The following SRP54 variants were observed in gnomAD, a reference collection of about 807,000 sequenced individuals.
SRP54 encodes the protein signal recognition particle subunit SRP54.
A neutral mutation model predicts 64.8 loss-of-function variants in SRP54; 10 were observed. That is an observed-to-expected ratio of 0.15 (90% confidence interval 0.10 to 0.26). SRP54 has a LOEUF of 0.26. Among genes scored for constraint, SRP54 ranks in the 10% least tolerant of loss-of-function variants. SRP54 has a pLI of 1.00. For missense variants in SRP54, 325 were observed against 613.7 expected, an observed-to-expected ratio of 0.53 and a Z score of 4.97; for synonymous variants, 193 against 185.6, an observed-to-expected ratio of 1.04 and a Z score of -0.32.
intron 1 of SRP54, among the ~76,000 whole-genome samples, chr14:34,995,833 A>C (rs1166991565): frequency 6.6e-6 from 1 of 152,114 alleles, no homozygotes; most frequent in East Asian, 1.9e-4. Flanking sequence ...GTTTTCCTGG[A>C]ATCAGAAACA....
intron 7 of SRP54, among the ~76,000 whole-genome samples, chr14:35,009,605 A>T (rs2044323024): frequency 6.6e-6 from 1 of 152,310 alleles, no homozygotes; most frequent in East Asian, 1.9e-4. Context: ...GATTTGCCTC[A>T]TAAAAGCAAA....
At chr14:35,026,724 C>G (rs560324498) in intron 14 of SRP54, among the ~76,000 whole-genome samples, 1 of 152,274 alleles carries the variant, frequency 6.6e-6, no homozygotes, top group South Asian at 2.1e-4. Flanking sequence ...GCGGGCAGAT[C>G]ATGAGGTCAA....
chr14:34,987,771 T>G (rs1057065787), intron 1 of SRP54, among the ~76,000 whole-genome samples: 5 of 152,234 alleles, frequency 3.3e-5, no homozygotes, highest in African/African-American at 1.2e-4. Flanking sequence ...TGATATCTTA[T>G]TAAGATTTTG....
chr14:35,002,071 C>T (rs1460732088), intron 4 of SRP54, among the ~76,000 whole-genome samples: 2 of 151,688 alleles, frequency 1.3e-5, no homozygotes, highest in Non-Finnish European at 2.9e-5. Flanking sequence ...ATAGCTGGTG[C>T]AGGCCGGGTG....
At chr14:34,985,603 A>G (rs1336893414) in intron 1 of SRP54, among the ~76,000 whole-genome samples, 2 of 152,088 alleles carry the variant, frequency 1.3e-5, no homozygotes, top group Non-Finnish European at 2.9e-5. Flanking sequence ...CCTCCAATGT[A>G]TTTGTTACAC....
intron 4 of SRP54, among the ~76,000 whole-genome samples, chr14:35,005,567 C>A (rs1439727754): frequency 6.6e-6 from 1 of 151,690 alleles, no homozygotes; most frequent in Non-Finnish European, 1.5e-5. Context: ...CTGGCCAATT[C>A]TTTAAATTAG....
Position 35,028,876 on chromosome 14 carries a change from T to A in SRP54, c.1424-185T>A, listed in dbSNP as rs12435308. Among the ~76,000 whole-genome samples the A allele has an allele frequency of 0.12, 18,434 of 152,268 alleles. 1,441 individuals carry two copies. The highest frequency in any genetic ancestry group is 0.22 in the East Asian group (1,146 of 5,194). On this transcript the variant is annotated intron_variant, in intron 15 of 15. Coordinates refer to ENST00000216774, the MANE Select transcript of SRP54 (RefSeq NM_003136.4). ...TCCGTAAGATAGGCTATTCATTCTC[T>A]TTTATTGATGAAGATAACTGGTGAT... is the stretch of plus-strand genomic sequence containing the variant.
chr14:35,014,546 C>T (rs1438558486), intron 10 of SRP54, among the ~76,000 whole-genome samples, 198 bp from the exon 11 acceptor site: 1 of 152,122 alleles, frequency 6.6e-6, no homozygotes, highest in Non-Finnish European at 1.5e-5. Flanking sequence ...TCCCAAAGTG[C>T]TGGGATTACA....
intron 1 of SRP54, among the ~76,000 whole-genome samples, chr14:34,991,722 T>G: frequency 7.4e-6 from 1 of 135,444 alleles, no homozygotes; most frequent in East Asian, 2.3e-4. Flanking sequence ...GTCATGCGTG[T>G]GTGTTGGGGG....
intron 10 of SRP54, among the ~76,000 whole-genome samples, chr14:35,014,250 T>G (rs2044401334): frequency 6.6e-6 from 1 of 150,550 alleles, no homozygotes; most frequent in Non-Finnish European, 1.5e-5. Flanking sequence ...AGTCCTTGCT[T>G]TGCCACTTGT....
chr14:35,003,905 G>T (rs982997727), intron 4 of SRP54, among the ~76,000 whole-genome samples: 7 of 150,652 alleles, frequency 4.6e-5, no homozygotes, highest in African/African-American at 1.2e-4. Context: ...CTGCACTCCA[G>T]CCTGGGTGAC....
chr14:35,003,580 T>C (rs946053053), intron 4 of SRP54, among the ~76,000 whole-genome samples: 14 of 150,680 alleles, frequency 9.3e-5, no homozygotes, highest in Non-Finnish European at 1.8e-4. Flanking sequence ...TGGTTTTTTT[T>C]TTTTTTGAGA....
intron 14 of SRP54, among the ~76,000 whole-genome samples, chr14:35,026,066 A>AT (rs2044616106): frequency 6.6e-6 from 1 of 152,030 alleles, no homozygotes; most frequent in South Asian, 2.1e-4. Flanking sequence ...AAAAAAAAAA[A>AT]AAAAAAAATT....
At chr14:35,007,411 G>T (rs371554598) in intron 5 of SRP54, 24 bp downstream of exon 5, 1 of 1,476,908 alleles carries the variant, frequency 6.8e-7, no homozygotes, top group African/African-American at 1.4e-5. Context: ...AATTTAAAAA[G>T]AAGTCATATG....
chr14:35,021,612 G>T (rs751288914), intron 13 of SRP54, among the ~76,000 whole-genome samples: 4 of 150,706 alleles, frequency 2.7e-5, no homozygotes, highest in African/African-American at 7.3e-5. Flanking sequence ...CAGCCTGAGG[G>T]ACAGAGCAAC....
intron 14 of SRP54, among the ~76,000 whole-genome samples, chr14:35,027,526 G>A (rs1163747390): frequency 1.3e-5 from 2 of 152,196 alleles, no homozygotes; most frequent in African/African-American, 4.8e-5. Context: ...GGGAGGCTGA[G>A]GTGAGTGGGT....
chr14:35,009,540 T>C (rs1225266313), intron 7 of SRP54, among the ~76,000 whole-genome samples: 3 of 152,066 alleles, frequency 2.0e-5, no homozygotes, highest in African/African-American at 7.2e-5. Context: ...AAAGATTGTA[T>C]TGGGGATTGT....
chr14:35,004,169 G>C (rs576467412), intron 4 of SRP54, among the ~76,000 whole-genome samples: 8 of 152,202 alleles, frequency 5.3e-5, no homozygotes, highest in African/African-American at 1.9e-4. Flanking sequence ...AGAATGGCTT[G>C]AACCTGGGAG....
intron 1 of SRP54, among the ~76,000 whole-genome samples, chr14:34,994,091 T>C (rs1430354479): frequency 2.6e-5 from 4 of 152,326 alleles, no homozygotes; most frequent in African/African-American, 9.6e-5. Flanking sequence ...CCTCCCATCT[T>C]CAAGCGATTC....
Sources: allele counts gnomAD v4.1 joint callset (sites outside exome capture counted in the v4.1 genomes callset), GRCh38; gene constraint gnomAD v4.1.1; transcripts MANE v1.5; gene names NCBI Gene and HGNC (gene_info 2026-07-23, HGNC 2026-07-21).